The following ASIC2 variants were observed in gnomAD, a reference collection of about 807,000 sequenced individuals.
ASIC2 encodes acid-sensing ion channel 2.
ASIC2 carries 25 observed loss-of-function variants against 57.3 expected under a neutral mutation model. The ratio of observed to expected loss-of-function variants is 0.44; its 90% CI spans 0.32 to 0.61. The LOEUF (loss-of-function observed/expected upper bound fraction) is 0.61. Among genes scored for constraint, ASIC2 ranks in the 20% least tolerant of loss-of-function variants. The probability of loss-of-function intolerance (pLI) is 0.06; values close to 1 mark genes in which losing one functional copy is unlikely to be tolerated. For synonymous variants in ASIC2, 319 were observed against 307.5 expected, an observed-to-expected ratio of 1.04 and a Z score of -0.39; for missense variants, 641 against 738.1, an observed-to-expected ratio of 0.87 and a Z score of 1.52.
chr17:33,790,689 C>A (rs1413984283), intron 1 of ASIC2, among the ~76,000 whole-genome samples: 2 of 151,828 alleles, frequency 1.3e-5, no homozygotes, highest in South Asian at 2.1e-4. Flanking sequence ...CACACACATA[C>A]ACACACACAC....
rs892537381 is a variant in ASIC2 at position 33,292,882 on chromosome 17, G to A, written c.-767C>T. 1 of 985,428 alleles carries A rather than the reference G, an allele frequency of 1.0e-6. No individual in the cohort carries two copies. The highest frequency in any genetic ancestry group is 1.2e-6 in the Non-Finnish European group (1 of 830,004). 61.0% of individuals were successfully genotyped at this position (985,428 alleles called of 1,614,324 possible). ...CTGCCAGGCGCCCGCTCTCGCCTGG[G>A]GCTGAGAGCTTCTCAGGGCGTCCTG... On this transcript the variant is annotated 5_prime_UTR_variant, in exon 1 of 10. Transcript: ENST00000225823.
intron 1 of ASIC2, among the ~76,000 whole-genome samples, chr17:33,145,228 G>A (rs1904509472): frequency 6.6e-6 from 1 of 152,232 alleles, no homozygotes; most frequent in South Asian, 2.1e-4. Flanking sequence ...GCCTCTACCA[G>A]CTTCCAGCTC....
At chr17:33,286,328 T>C (rs1445469386) in intron 1 of ASIC2, among the ~76,000 whole-genome samples, 2 of 152,190 alleles carry the variant, frequency 1.3e-5, no homozygotes, top group East Asian at 3.8e-4. Flanking sequence ...GAGGAGTGGC[T>C]TCTCATAGAG....
At position 33,331,590 on chromosome 17, in the gene ASIC2, G is replaced by A. The variant is rs145800133; in HGVS notation, c.556-219523C>T. Among the ~76,000 whole-genome samples, 115 of 152,284 alleles carry A rather than the reference G, an allele frequency of 7.6e-4. No homozygotes were observed. The East Asian group carries it at 0.016, about 21-fold the overall frequency. On this transcript the variant is annotated intron_variant, in intron 1 of 9. Coordinates refer to the ASIC2 transcript ENST00000359872. ...TTATTCTGCTACATTTTTTGGGCCTGCACTTCTGCACAGGTCTGTGTTGAT... is the reference window on the plus strand; with the variant it reads ...TTATTCTGCTACATTTTTTGGGCCTACACTTCTGCACAGGTCTGTGTTGAT...
At chr17:33,612,410 C>T (rs937462616) in intron 1 of ASIC2, among the ~76,000 whole-genome samples, 23 of 152,000 alleles carry the variant, frequency 1.5e-4, no homozygotes, top group African/African-American at 5.6e-4. Context: ...GGCAAAAGGG[C>T]GTTTTGGGGA....
chr17:33,490,596 G>T (rs925143590), intron 1 of ASIC2, among the ~76,000 whole-genome samples: 1 of 152,186 alleles, frequency 6.6e-6, no homozygotes, highest in Non-Finnish European at 1.5e-5. Context: ...GGGGTCTCCT[G>T]CATAAACTCT....
At chr17:33,634,177 T>C (rs1393341408) in intron 1 of ASIC2, among the ~76,000 whole-genome samples, 3 of 152,242 alleles carry the variant, frequency 2.0e-5, no homozygotes, top group Non-Finnish European at 4.4e-5. Flanking sequence ...TCACACTCTC[T>C]AGTTCCCTGA....
At chr17:33,479,857 A>C (rs1913345822) in intron 1 of ASIC2, among the ~76,000 whole-genome samples, 1 of 152,030 alleles carries the variant, frequency 6.6e-6, no homozygotes, top group Admixed American at 6.5e-5. Context: ...CAATCTTTAA[A>C]ACTGTGTGCT....
chr17:33,776,477 A>T (rs751584631), intron 1 of ASIC2, among the ~76,000 whole-genome samples: 4 of 152,220 alleles, frequency 2.6e-5, no homozygotes, highest in Non-Finnish European at 5.9e-5. Context: ...ATTCTGTTTC[A>T]GGAGTCCGAA....
chr17:33,168,423 AAGAGAGG>A (rs1459139833), intron 1 of ASIC2, among the ~76,000 whole-genome samples: 4 of 152,224 alleles, frequency 2.6e-5, no homozygotes, highest in African/African-American at 9.6e-5. Flanking sequence ...GAGGCCCCAG[AAGAGAGG>A]AGCTGTAGGG....
At chr17:33,848,274 G>C (rs1913669089) in intron 1 of ASIC2, among the ~76,000 whole-genome samples, 1 of 152,134 alleles carries the variant, frequency 6.6e-6, no homozygotes, top group African/African-American at 2.4e-5. Flanking sequence ...TGCCAATAAT[G>C]AACGTGCCAA....
At chr17:33,956,688 C>A (rs978548791) in intron 1 of ASIC2, among the ~76,000 whole-genome samples, 13 of 152,236 alleles carry the variant, frequency 8.5e-5, no homozygotes, top group African/African-American at 3.1e-4. Context: ...ACAGTCAGCA[C>A]ACTTGCAGCC....
intron 2 of ASIC2, among the ~76,000 whole-genome samples, chr17:33,102,879 G>A (rs1443034101): frequency 1.3e-5 from 2 of 152,122 alleles, no homozygotes; most frequent in African/African-American, 2.4e-5. Flanking sequence ...CGCCTTCCAG[G>A]TTCACGCCAT....
At chr17:33,960,908 C>T (rs974485566) in intron 1 of ASIC2, among the ~76,000 whole-genome samples, 4 of 152,130 alleles carry the variant, frequency 2.6e-5, no homozygotes, top group Admixed American at 1.3e-4. Flanking sequence ...CTAATCTCCA[C>T]GCTATCACTA....
At position 33,821,506 on chromosome 17, in the gene ASIC2, C is replaced by T. The variant is rs150584614; in HGVS notation, c.555+334472G>A. The stretch of plus-strand genomic sequence containing the variant: ...AAAGGCCCTGAAAGCCCTGTTGAGG[C>T]CCTAGCACATGCCGACTCCTAGTAA... On this transcript the variant is annotated intron_variant, in intron 1 of 9. Transcript: ENST00000359872. 2.5e-4 allele frequency among the ~76,000 whole-genome samples: 38 copies of T among 152,240 alleles called. 1 individual carries two copies. Among genetic ancestry groups the T allele is most frequent in the African/African-American group, 8.2e-4 (34 of 41,548 alleles).
At chr17:33,458,552 T>C (rs1199599507) in intron 1 of ASIC2, among the ~76,000 whole-genome samples, 2 of 152,184 alleles carry the variant, frequency 1.3e-5, no homozygotes, top group Admixed American at 6.5e-5. Context: ...ATTTTGGCCA[T>C]AGTTAACACC....
chr17:33,737,594 G>A (rs1327793777), intron 1 of ASIC2, among the ~76,000 whole-genome samples: 1 of 152,188 alleles, frequency 6.6e-6, no homozygotes, highest in Non-Finnish European at 1.5e-5. Flanking sequence ...ATTTAAAATG[G>A]AGACATAAAG....
chr17:33,457,948 C>T (rs1257363187), intron 1 of ASIC2, among the ~76,000 whole-genome samples: 1 of 152,204 alleles, frequency 6.6e-6, no homozygotes, highest in Non-Finnish European at 1.5e-5. Flanking sequence ...CTGCACTACC[C>T]TTCCATTTCC....
At chr17:34,039,469 G>T (rs1908020307) in intron 1 of ASIC2, 5 of 1,613,662 alleles carry the variant, frequency 3.1e-6, no homozygotes, top group Middle Eastern at 1.7e-4. Flanking sequence ...CTCCTTTGCA[G>T]CACTGCCATC....
Sources: allele counts gnomAD v4.1 joint callset (sites outside exome capture counted in the v4.1 genomes callset), GRCh38; gene constraint gnomAD v4.1.1; transcripts MANE v1.5; gene names NCBI Gene and HGNC (gene_info 2026-07-23, HGNC 2026-07-21).